NUDT3: variants seen among roughly 807,000 people sequenced by gnomAD.
NUDT3 encodes nudix hydrolase 3.
A neutral mutation model predicts 23.6 loss-of-function variants in NUDT3; 9 were observed. The ratio of observed to expected loss-of-function variants is 0.38; its 90% confidence interval spans 0.23 to 0.66. The LOEUF is 0.66. NUDT3 is among the 30% of genes least tolerant of loss of function. The probability of loss-of-function intolerance (pLI) is 0.52; values close to 1 mark genes in which losing one functional copy is unlikely to be tolerated. For missense variants in NUDT3, 172 were observed against 218.5 expected, an observed-to-expected ratio of 0.79 and a Z score of 1.34; for synonymous variants, 86 against 82.6, an observed-to-expected ratio of 1.04 and a Z score of -0.22.
At chr6:34,292,479 G>T (rs369718944) in intron 4 of NUDT3, among the ~76,000 whole-genome samples, 44 of 152,020 alleles carry the variant, frequency 2.9e-4, no homozygotes, top group Admixed American at 2.8e-3. Flanking sequence ...AGATGTAAAC[G>T]TAACAGCCAT....
At chr6:34,355,149 A>ATT (rs1345738358) in intron 1 of NUDT3, among the ~76,000 whole-genome samples, 1 of 152,178 alleles carries the variant, frequency 6.6e-6, no homozygotes, top group Non-Finnish European at 1.5e-5. Flanking sequence ...TAAGTATGAT[A>ATT]TTAGCTGTTT....
At chr6:34,321,294 T>A (rs953253738) in intron 2 of NUDT3, among the ~76,000 whole-genome samples, 1 of 151,648 alleles carries the variant, frequency 6.6e-6, no homozygotes, top group African/African-American at 2.4e-5. Flanking sequence ...AAACACTAGC[T>A]GGGCGTGGTG....
chr6:34,345,892 C>T (rs1254445280), intron 1 of NUDT3, among the ~76,000 whole-genome samples: 1 of 151,998 alleles, frequency 6.6e-6, no homozygotes, highest in Non-Finnish European at 1.5e-5. Flanking sequence ...CCTCAGCCTC[C>T]CGAGTAGCTG....
At chr6:34,385,305 T>C (rs1211436285) in intron 1 of NUDT3, among the ~76,000 whole-genome samples, 1 of 151,562 alleles carries the variant, frequency 6.6e-6, no homozygotes, top group East Asian at 2.0e-4. Context: ...ATAAAAAATA[T>C]GGCCAGGCAC....
rs140091310 is a variant in NUDT3 at position 34,311,993 on chromosome 6, A to G, written c.211-16308T>C. Among the ~76,000 whole-genome samples, 146 of 152,360 alleles carry G rather than the reference A, an allele frequency of 9.6e-4. 1 individual carries two copies. In the East Asian group the frequency reaches 0.011, roughly 11 times the overall value. On this transcript the variant is annotated intron_variant, in intron 2 of 4. Transcript: ENST00000607016. ...CTCCCAGAAGGTAACACAAGGGAAA[A>G]TATAGGTGATCGTTGGTTTGGCAAT...
At chr6:34,288,955 A>G (rs201591478) in intron 4 of NUDT3, 24 bp from the exon 5 acceptor site, 1 of 1,583,342 alleles carries the variant, frequency 6.3e-7, no homozygotes, top group Non-Finnish European at 8.6e-7. Context: ...GAGAAAAGAA[A>G]CTAGTACAAG....
intron 4 of NUDT3, among the ~76,000 whole-genome samples, chr6:34,289,332 T>C (rs1405353373): frequency 1.3e-5 from 2 of 152,162 alleles, no homozygotes; most frequent in Non-Finnish European, 2.9e-5. Context: ...TTTAGGAGGC[T>C]AAGGTGGGCG....
intron 4 of NUDT3, 107 bp from the exon 5 acceptor site, chr6:34,289,038 T>G: frequency 7.4e-7 from 1 of 1,347,340 alleles, no homozygotes; most frequent in African/African-American, 1.5e-5. Flanking sequence ...CTTAACACTT[T>G]TTTTCCTTAC....
In NUDT3 at chr6:34,373,580, C is replaced by T. The variant is rs1764872210; in HGVS notation, c.99+18684G>A. On this transcript the variant is annotated intron_variant, in intron 1 of 4. Transcript: ENST00000607016. The stretch of plus-strand genomic sequence containing the variant: ...CAAATTTGCTATGGTGAATGTAGAA[C>T]ATCTTTATAATGGAAGGAAGACTAC... Among the ~76,000 whole-genome samples, 3 of 151,986 alleles carry T rather than the reference C, an allele frequency of 2.0e-5. No homozygotes were observed. The South Asian group carries it at 6.2e-4, about 32-fold the overall frequency.
intron 1 of NUDT3, among the ~76,000 whole-genome samples, chr6:34,379,612 T>C (rs983508871): frequency 6.6e-6 from 1 of 152,086 alleles, no homozygotes; most frequent in Non-Finnish European, 1.5e-5. Context: ...GGTCTTGCTA[T>C]GTTACCCAGG....
At chr6:34,319,501 GCA>G (rs1332392114) in intron 2 of NUDT3, among the ~76,000 whole-genome samples, 8 of 152,194 alleles carry the variant, frequency 5.3e-5, no homozygotes, top group African/African-American at 1.9e-4. Context: ...GGGGGAAGCT[GCA>G]CAGAGCTTCC....
intron 1 of NUDT3, 95 bp downstream of exon 1, chr6:34,392,169 C>G: frequency 2.1e-6 from 2 of 930,376 alleles, no homozygotes; most frequent in South Asian, 1.6e-5. Flanking sequence ...CGGGGCGGCC[C>G]TGGCACACCC....
chr6:34,379,631 G>C (rs1405043160), intron 1 of NUDT3, among the ~76,000 whole-genome samples: 2 of 151,810 alleles, frequency 1.3e-5, no homozygotes, highest in Non-Finnish European at 2.9e-5. Context: ...GGCTGGTCTC[G>C]AATTCCTGGC....
intron 1 of NUDT3, among the ~76,000 whole-genome samples, chr6:34,343,596 T>A (rs1581878055): frequency 6.7e-6 from 1 of 150,232 alleles, no homozygotes; most frequent in South Asian, 2.1e-4. Flanking sequence ...AAAATCAAAA[T>A]GGACCAACAA....
intron 1 of NUDT3, among the ~76,000 whole-genome samples, chr6:34,351,782 T>G (rs1764483309): frequency 7.6e-6 from 1 of 131,896 alleles, no homozygotes. Flanking sequence ...AAAATATACA[T>G]ACACACAGAT....
At chr6:34,361,001 C>T (rs1764642624) in intron 1 of NUDT3, among the ~76,000 whole-genome samples, 1 of 152,106 alleles carries the variant, frequency 6.6e-6, no homozygotes, top group Non-Finnish European at 1.5e-5. Flanking sequence ...GGCAGGAGGA[C>T]TGCGTGAGGT....
intron 2 of NUDT3, among the ~76,000 whole-genome samples, chr6:34,299,206 G>A (rs554340718): frequency 6.6e-6 from 1 of 152,322 alleles, no homozygotes; most frequent in East Asian, 1.9e-4. Context: ...TTGGGGATAA[G>A]ATTGAATTCA....
rs184303962 is a variant in NUDT3 at position 34,345,658 on chromosome 6, G to A, written c.100-3686C>T. On this transcript the variant is annotated intron_variant, in intron 1 of 4. Coordinates refer to ENST00000607016, the MANE Select transcript of NUDT3 (RefSeq NM_006703.4). ...AGCATGGGCGACAGAGCGAGACTCC[G>A]TCCCAAAAAAAAAAAAAAAAAAGCT... Among the ~76,000 whole-genome samples, 11 of 119,328 alleles carry A rather than the reference G, an allele frequency of 9.2e-5. No individual in the cohort carries two copies. The East Asian group carries it at 3.0e-3, about 32-fold the overall frequency. The allele number at this position is 119,328 out of a possible 152,430, so 78.3% of individuals were successfully genotyped here. A position where few individuals can be genotyped will look rare whatever the true frequency, so the allele number is the denominator to read the frequency against.
intron 1 of NUDT3, among the ~76,000 whole-genome samples, chr6:34,365,829 G>A (rs1004068865): frequency 6.6e-6 from 1 of 152,042 alleles, no homozygotes; most frequent in African/African-American, 2.4e-5. Flanking sequence ...ATCACATGAG[G>A]TCAGGAGTTC....
Sources: gnomAD v4.1 joint callset for allele counts (sites outside exome capture counted in the v4.1 genomes callset) on GRCh38, gnomAD v4.1.1 for gene constraint, MANE v1.5 for transcripts, NCBI Gene and HGNC (gene_info 2026-07-23, HGNC 2026-07-21) for gene names.